The following REDIC1 variants were observed in gnomAD, a reference collection of about 807,000 sequenced individuals.
The protein encoded by REDIC1 is HEI10 Interacting Protein 1.
the REDIC1 span, among the ~76,000 whole-genome samples, chr12:39,902,510 T>C: frequency 5.9e-5 from 9 of 152,050 alleles, no homozygotes; most frequent in African/African-American, 2.2e-4. Flanking sequence ...ATATCTCTGA[T>C]ATACACCATG....
chr12:39,797,018 T>C, the REDIC1 span, among the ~76,000 whole-genome samples: 1 of 152,366 alleles, frequency 6.6e-6, no homozygotes, highest in Admixed American at 6.5e-5. Flanking sequence ...GAGTGTTTTT[T>C]GGTTATTTTA....
At chr12:39,760,976 A>ACACACACACAC in the REDIC1 span, among the ~76,000 whole-genome samples, 5 of 150,254 alleles carry the variant, frequency 3.3e-5, no homozygotes, top group Non-Finnish European at 4.5e-5. Context: ...ACACACACAT[A>ACACACACACAC]ATTGAATTGC....
At chr12:39,856,315 A>C in the REDIC1 span, among the ~76,000 whole-genome samples, 2 of 152,112 alleles carry the variant, frequency 1.3e-5, no homozygotes, top group Non-Finnish European at 2.9e-5. Context: ...ATAGTTTTCC[A>C]AGTTACTTTC....
the REDIC1 span, among the ~76,000 whole-genome samples, chr12:39,807,210 A>T: frequency 6.6e-6 from 1 of 152,302 alleles, no homozygotes; most frequent in African/African-American, 2.4e-5. Flanking sequence ...GCCACGTAGG[A>T]TGTGGGGAGT....
the REDIC1 span, among the ~76,000 whole-genome samples, chr12:39,752,089 A>T: frequency 6.6e-6 from 1 of 152,184 alleles, no homozygotes; most frequent in Non-Finnish European, 1.5e-5. Flanking sequence ...TATGCCAGGC[A>T]CTGTAGGAGG....
the REDIC1 span, among the ~76,000 whole-genome samples, chr12:39,888,765 C>T: frequency 0.99 from 150,900 of 152,346 alleles, 74,756 homozygotes; most frequent in Middle Eastern, 1. Context: ...TTTCCTCTAT[C>T]TGAAATTCTC....
the REDIC1 span, among the ~76,000 whole-genome samples, chr12:39,801,133 T>C: frequency 1.1e-5 from 1 of 88,884 alleles, no homozygotes; most frequent in Non-Finnish European, 2.2e-5. Flanking sequence ...CATTGGGAGA[T>C]ATACCTAATG....
the REDIC1 span, among the ~76,000 whole-genome samples, chr12:39,812,202 G>A: frequency 6.6e-6 from 1 of 152,010 alleles, no homozygotes; most frequent in African/African-American, 2.4e-5. Context: ...CCCTCACATG[G>A]TAGAATGGAA....
chr12:39,830,731 A>C, the REDIC1 span, among the ~76,000 whole-genome samples: 1 of 152,212 alleles, frequency 6.6e-6, no homozygotes, highest in African/African-American at 2.4e-5. Flanking sequence ...ATTATGTCTA[A>C]AGAAAACAGT....
At chr12:39,809,181 C>G in the REDIC1 span, among the ~76,000 whole-genome samples, 3 of 152,098 alleles carry the variant, frequency 2.0e-5, no homozygotes, top group Non-Finnish European at 2.9e-5. Flanking sequence ...TATTCTTTCC[C>G]CATTGGATTA....
the REDIC1 span, among the ~76,000 whole-genome samples, chr12:39,766,460 G>C: frequency 2.0e-5 from 3 of 152,170 alleles, no homozygotes; most frequent in East Asian, 5.8e-4. Context: ...CATCTTTTTG[G>C]TGGAGGGTCT....
the REDIC1 span, among the ~76,000 whole-genome samples, chr12:39,896,238 ATATATG>A: frequency 8.9e-5 from 9 of 100,764 alleles, no homozygotes; most frequent in Admixed American, 4.0e-4. Flanking sequence ...GCATATGTGT[ATATATG>A]TATACATGTA....
At chr12:39,684,255 C>A in the REDIC1 span, 3 of 980,470 alleles carry the variant, frequency 3.1e-6, no homozygotes, top group Non-Finnish European at 3.7e-6. Context: ...TTATAAGTAA[C>A]TAAAGAAAAC....
chr12:39,901,928 A>T, the REDIC1 span, among the ~76,000 whole-genome samples: 1 of 152,062 alleles, frequency 6.6e-6, no homozygotes, highest in Admixed American at 6.5e-5. Context: ...AATAGCAAAG[A>T]CTTGGAACCA....
chr12:39,731,685 G>A, the REDIC1 span, among the ~76,000 whole-genome samples: 1 of 152,176 alleles, frequency 6.6e-6, no homozygotes, highest in Admixed American at 6.5e-5. Context: ...CGCTGTGCTG[G>A]GGGATTTGTT....
chr12:39,825,765 T>G, the REDIC1 span, among the ~76,000 whole-genome samples: 12 of 152,302 alleles, frequency 7.9e-5, no homozygotes, highest in South Asian at 2.3e-3. Flanking sequence ...TTAAGAACTT[T>G]TATTTTTTGA....
At chr12:39,730,297 G>T in the REDIC1 span, among the ~76,000 whole-genome samples, 2 of 152,266 alleles carry the variant, frequency 1.3e-5, no homozygotes, top group African/African-American at 4.8e-5. Context: ...GCTGCTACCG[G>T]TTTCTCCTTT....
chr12:39,707,222 A>G, the REDIC1 span, among the ~76,000 whole-genome samples: 1 of 151,980 alleles, frequency 6.6e-6, no homozygotes, highest in Non-Finnish European at 1.5e-5. Context: ...CATTTCTCAA[A>G]AGAGACATAC....
the REDIC1 span, among the ~76,000 whole-genome samples, chr12:39,808,129 T>C: frequency 6.6e-6 from 1 of 152,292 alleles, no homozygotes; most frequent in South Asian, 2.1e-4. Context: ...CCAACTCCAG[T>C]CAATAACTGA....
Sources: gnomAD v4.1 joint callset for allele counts (sites outside exome capture counted in the v4.1 genomes callset) on GRCh38, gnomAD v4.1.1 for gene constraint, MANE v1.5 for transcripts, NCBI Gene and HGNC (gene_info 2026-07-23, HGNC 2026-07-21) for gene names.